The following PCIF1 variants were observed in gnomAD, a reference collection of about 807,000 sequenced individuals.
PCIF1 encodes the protein phosphorylated CTD interacting factor 1, also known as mRNA (2'-O-methyladenosine-N(6)-)-methyltransferase.
Under a neutral mutation model 86.9 loss-of-function variants are expected in PCIF1, and 12 were observed. The ratio of observed to expected loss-of-function variants is 0.14; its 90% CI spans 0.09 to 0.22. The LOEUF (loss-of-function observed/expected upper bound fraction) is 0.22, where lower values mean the gene tolerates loss of function less well. PCIF1 is among the 10% of genes least tolerant of loss of function. The pLI is 1.00. For missense variants in PCIF1, 701 were observed against 951.1 expected (o/e 0.74, Z 3.46); for synonymous variants, 397 against 372.0 (o/e 1.07, Z -0.77).
chr20:45,940,659 C>T (rs369533158), intron 5 of PCIF1, 47 bp downstream of exon 5: 96 of 1,579,222 alleles, frequency 6.1e-5, no homozygotes, highest in Non-Finnish European at 7.2e-5. Context: ...CCGGCTCAGA[C>T]GGGCCGCCTG....
intron 1 of PCIF1, among the ~76,000 whole-genome samples, chr20:45,936,306 C>G (rs1184099520): frequency 6.6e-6 from 1 of 150,888 alleles, no homozygotes; most frequent in East Asian, 2.0e-4. Context: ...TCCCGAGTAG[C>G]TGGGACTACA....
intron 10 of PCIF1, among the ~76,000 whole-genome samples, chr20:45,944,111 T>G (rs2083500345): frequency 6.6e-6 from 1 of 152,122 alleles, no homozygotes. Context: ...GTGTGTGTGT[T>G]CATATCATGG....
chr20:45,937,661 C>T (rs955708112), intron 2 of PCIF1, 76 bp downstream of exon 2: 15 of 398,404 alleles, frequency 3.8e-5, no homozygotes, highest in African/African-American at 3.1e-4. Flanking sequence ...TTCTTCCTGC[C>T]CAGAGAATCA....
chr20:45,938,386 A>G (rs867689123), intron 2 of PCIF1, among the ~76,000 whole-genome samples: 1 of 152,250 alleles, frequency 6.6e-6, no homozygotes, highest in South Asian at 2.1e-4. Flanking sequence ...TGAGAGCAGT[A>G]AAATCCCATC....
Position 45,947,735 on chromosome 20 carries a change from CG to C in PCIF1, c.2096del (p.Arg699ProfsTer19). The C allele has an allele frequency of 6.2e-7, 1 of 1,601,458 alleles. No individual in the cohort carries two copies. The highest frequency in any genetic ancestry group is 8.5e-7 in the Non-Finnish European group (1 of 1,173,412). On this transcript the variant is annotated frameshift_variant, in exon 17 of 17. Transcript: ENST00000372409. LOFTEE classifies it high-confidence loss of function. This position sits in a 1 kb window ranked among gnomAD's most constrained non-coding sequence, Gnocchi z 5.4. ...CTCGGGCCGTGAGCAGGGTCCTAGC[CG>C]CGAGCCTCACCCCACTTAACATATC... ...RDSGREQGPSREPHPT is the reference protein window; with the variant it reads ...RDSGREQGPSXEPHPT
At chr20:45,934,911 C>T (rs2083403397) in intron 1 of PCIF1, 107 bp downstream of exon 1, 2 of 396,898 alleles carry the variant, frequency 5.0e-6, no homozygotes, top group Non-Finnish European at 8.9e-6. Flanking sequence ...GGGACTGCCG[C>T]TTGCCCTGTC....
rs1227062212 is a variant in PCIF1 at position 45,947,356 on chromosome 20, C to G, written c.1801C>G (p.Gln601Glu). The G allele has an allele frequency of 1.9e-6, 3 of 1,613,896 alleles. No homozygotes were observed. Among genetic ancestry groups the G allele is most frequent in the Non-Finnish European group, 2.5e-6 (3 of 1,180,044 alleles). Residue 601 changes from glutamine to glutamate, a missense_variant, in exon 16 of 17, where the codon CAG (glutamine) becomes GAG (glutamate). Physicochemically the swap from Gln to Glu is conservative, Grantham distance 29. Coordinates refer to ENST00000372409, the MANE Select transcript of PCIF1 (RefSeq NM_022104.4). This position sits in a 1 kb window ranked among gnomAD's most constrained non-coding sequence, Gnocchi z 5.4. ...AACACCAGCGCTCACCCGCATGGAG[C>G]AGAGCCGCTTCAAACGCCACCAGTT... Reference protein sequence around the residue: ...PPTPALTRMEQSRFKRHQLIL... With the variant: ...PPTPALTRMEESRFKRHQLIL...
chr20:45,945,390 C>T (rs1600508788), intron 11 of PCIF1, among the ~76,000 whole-genome samples: 2 of 143,570 alleles, frequency 1.4e-5, no homozygotes, highest in Non-Finnish European at 3.0e-5. Flanking sequence ...GTCGCTATTA[C>T]GATGACGGCG....
At position 45,946,399 on chromosome 20, in the gene PCIF1, C is replaced by G. The variant is rs1225461978; in HGVS notation, c.1613+15C>G. 6.2e-7 allele frequency: 1 copy of G among 1,610,776 alleles called. No individual in the cohort carries two copies. The highest frequency in any genetic ancestry group is 8.5e-7 in the Non-Finnish European group (1 of 1,179,456). On this transcript the variant is annotated intron_variant, in intron 14 of 16. Transcript: ENST00000372409. ...GGCTCCCGCGGGTGAGGGCCAAGGGCTGCCCCTCTACCCAGGCCAGGGAAG... is the reference window on the plus strand; with the variant it reads ...GGCTCCCGCGGGTGAGGGCCAAGGGGTGCCCCTCTACCCAGGCCAGGGAAG...
intron 2 of PCIF1, 173 bp downstream of exon 2, chr20:45,937,758 G>A: frequency 1.0e-5 from 4 of 395,028 alleles, no homozygotes; most frequent in Non-Finnish European, 1.8e-5. Context: ...ATGTCCTGTT[G>A]CCCCCTGCAT....
rs201267070 is a variant in PCIF1, at chr20:45,941,131, C to T, written c.597C>T (p.Pro199=). ...RGPSEVLPPH[P]EVELLRSQLI... is the part of the protein sequence containing the mutation. ...CTTCAGAGGTGCTGCCCCCGCATCC[C>T]GAAGTGGAACTGCTCCGCTCTCAGC... The change falls in exon 7 of 17, where the codon CCC becomes CCT. Residue 199 remains proline (P), a synonymous_variant. Coordinates refer to ENST00000372409, the MANE Select transcript of PCIF1 (RefSeq NM_022104.4). The T allele has an allele frequency of 2.2e-5, 35 of 1,614,192 alleles. No individual in the cohort carries two copies. Among genetic ancestry groups the T allele is most frequent in the Middle Eastern group, 1.6e-4 (1 of 6,062 alleles).
At chr20:45,935,539 G>A (rs2083416972) in intron 1 of PCIF1, among the ~76,000 whole-genome samples, 3 of 152,194 alleles carry the variant, frequency 2.0e-5, no homozygotes, top group Non-Finnish European at 1.5e-5. Flanking sequence ...ACGGTCGAGT[G>A]ATTCCGGTTT....
intron 4 of PCIF1, among the ~76,000 whole-genome samples, chr20:45,940,069 A>G (rs760407112): frequency 9.9e-5 from 15 of 152,238 alleles, no homozygotes; most frequent in Non-Finnish European, 2.1e-4. Flanking sequence ...CAAGAGTCCC[A>G]TCTGCAGGGC....
At chr20:45,938,831 C>T in intron 2 of PCIF1, 150 bp from the exon 3 acceptor site, 1 of 1,005,664 alleles carries the variant, frequency 9.9e-7, no homozygotes, top group Non-Finnish European at 1.5e-6. Flanking sequence ...AGCTTAGATC[C>T]CAGGGCTGCT....
At position 45,935,659 on chromosome 20, in the gene PCIF1, T is replaced by C. The variant is rs114512634; in HGVS notation, c.-188+855T>C. The stretch of plus-strand genomic sequence containing the variant: ...GTCACATAGGAAATTAAAAATGGTT[T>C]TAATTGCAAAAAATGGGTACATTTT... On this transcript the variant is annotated intron_variant, in intron 1 of 16. Transcript: ENST00000372409. Among the ~76,000 whole-genome samples the C allele has an allele frequency of 3.7e-3, 570 of 152,202 alleles. 2 individuals are homozygous for C. The highest frequency in any genetic ancestry group is 0.013 in the African/African-American group (541 of 41,510).
In PCIF1 at chr20:45,947,487, G is replaced by T. The variant is rs771451232; in HGVS notation, c.1884-37G>T. The T allele has an allele frequency of 1.2e-6, 2 of 1,613,124 alleles. No homozygotes were observed. The highest frequency in any genetic ancestry group is 1.1e-5 in the South Asian group (1 of 91,074). The stretch of plus-strand genomic sequence containing the variant: ...AAGGAGGCTGGGCTGGCCAGGCCAG[G>T]CCCAGCCCCACCCTGAGCCATTGCC... On this transcript the variant is annotated intron_variant, in intron 16 of 16. Coordinates refer to ENST00000372409, the MANE Select transcript of PCIF1 (RefSeq NM_022104.4). This position sits in a 1 kb window ranked among gnomAD's most constrained non-coding sequence, Gnocchi z 5.4.
At chr20:45,939,489 C>T (rs1782507805) in intron 4 of PCIF1, 150 bp downstream of exon 4, 1 of 1,151,602 alleles carries the variant, frequency 8.7e-7, no homozygotes, top group African/African-American at 1.5e-5. Flanking sequence ...CCCCTGCCCT[C>T]ATGGAACCTA....
At chr20:45,944,144 A>T (rs916625323) in intron 10 of PCIF1, among the ~76,000 whole-genome samples, 1 of 152,014 alleles carries the variant, frequency 6.6e-6, no homozygotes, top group Non-Finnish European at 1.5e-5. Context: ...ATCAGATTCA[A>T]TTCCCTACTC....
At position 45,943,434 on chromosome 20, in the gene PCIF1, C is replaced by T. The variant is rs1302375192; in HGVS notation, c.905+11C>T. The T allele has an allele frequency of 1.2e-6, 2 of 1,610,996 alleles. No individual in the cohort carries two copies. The highest frequency in any genetic ancestry group is 1.7e-6 in the Non-Finnish European group (2 of 1,178,614). On this transcript the variant is annotated intron_variant, in intron 9 of 16. Coordinates refer to ENST00000372409, the MANE Select transcript of PCIF1 (RefSeq NM_022104.4). The surrounding 1 kb of genome is among the most constrained non-coding windows in gnomAD (Gnocchi z 5.5). Reference sequence around the variant, plus strand: ...GCTCATCGAGTCCAGGTTTGCCTGTCTTCTGCCCCAGGCGAGATGGGTCTG... The same window carrying T: ...GCTCATCGAGTCCAGGTTTGCCTGTTTTCTGCCCCAGGCGAGATGGGTCTG...
Sources: gnomAD v4.1 joint callset for allele counts (sites outside exome capture counted in the v4.1 genomes callset) on GRCh38, gnomAD v4.1.1 for gene constraint, Gnocchi (gnomAD v3.1) non-coding constraint, MANE v1.5 for transcripts, NCBI Gene and HGNC (gene_info 2026-07-23, HGNC 2026-07-21) for gene names.